Variants in ARL8B observed in about 807,000 individuals in gnomAD.
ARL8B encodes the protein ARF like GTPase 8B, also known as ADP-ribosylation factor-like protein 8B.
A neutral mutation model predicts 30.6 loss-of-function variants in ARL8B; 9 were observed. The ratio of observed to expected loss-of-function variants is 0.29; its 90% CI spans 0.18 to 0.51. ARL8B has a LOEUF of 0.51. ARL8B is among the 20% of genes least tolerant of loss of function. ARL8B has a pLI of 0.97. For synonymous variants in ARL8B, 74 were observed against 76.0 expected, an observed-to-expected ratio of 0.97 and a Z score of 0.14; for missense variants, 130 against 227.2, an observed-to-expected ratio of 0.57 and a Z score of 2.75.
chr3:5,164,324 T>C (rs538462292), intron 1 of ARL8B, among the ~76,000 whole-genome samples: 76 of 152,240 alleles, frequency 5.0e-4, no homozygotes, highest in Non-Finnish European at 9.0e-4. Context: ...AGGTAATAGG[T>C]GGTAGTGGCA....
intron 1 of ARL8B, among the ~76,000 whole-genome samples, chr3:5,142,263 C>G (rs1044713790): frequency 5.9e-5 from 9 of 152,210 alleles, no homozygotes; most frequent in South Asian, 4.1e-4. Flanking sequence ...GATGTGCGTA[C>G]AAGTTGAGAG....
chr3:5,162,837 G>A (rs1559284017), intron 1 of ARL8B, among the ~76,000 whole-genome samples: 1 of 152,134 alleles, frequency 6.6e-6, no homozygotes, highest in African/African-American at 2.4e-5. Flanking sequence ...TGATGCTGAG[G>A]TTTGGGCTTC....
intron 1 of ARL8B, among the ~76,000 whole-genome samples, chr3:5,160,492 C>T (rs1444994483): frequency 2.0e-5 from 3 of 152,100 alleles, no homozygotes; most frequent in Non-Finnish European, 4.4e-5. Flanking sequence ...TTTTCAGGCT[C>T]CTAATTGAAA....
intron 1 of ARL8B, among the ~76,000 whole-genome samples, chr3:5,144,749 A>G (rs957531399): frequency 6.6e-5 from 10 of 152,216 alleles, no homozygotes; most frequent in South Asian, 2.1e-4. Flanking sequence ...TACAGCTTCT[A>G]TAGTGTTACC....
chr3:5,167,494 T>A (rs1434811548), intron 1 of ARL8B, among the ~76,000 whole-genome samples: 5 of 152,052 alleles, frequency 3.3e-5, no homozygotes, highest in Admixed American at 6.6e-5. Context: ...TCCACTGGGG[T>A]TCTTGGAACG....
At chr3:5,159,597 C>T (rs1403202499) in intron 1 of ARL8B, among the ~76,000 whole-genome samples, 9 of 105,394 alleles carry the variant, frequency 8.5e-5, no homozygotes, top group African/African-American at 3.4e-4. Flanking sequence ...AATGAAACTC[C>T]GTCTCAAAAA....
chr3:5,146,957 C>A (rs756244235), intron 1 of ARL8B, among the ~76,000 whole-genome samples: 5 of 152,032 alleles, frequency 3.3e-5, no homozygotes, highest in Non-Finnish European at 7.4e-5. Flanking sequence ...GGGACCTACT[C>A]AGAAGGAACC....
chr3:5,165,946 C>G (rs965146987), intron 1 of ARL8B, among the ~76,000 whole-genome samples: 9 of 152,142 alleles, frequency 5.9e-5, no homozygotes, highest in South Asian at 4.1e-4. Context: ...TCACTGTTTA[C>G]AAGTAGTCAG....
At chr3:5,170,194 C>G (rs1294255042) in intron 1 of ARL8B, among the ~76,000 whole-genome samples, 1 of 152,150 alleles carries the variant, frequency 6.6e-6, no homozygotes, top group Non-Finnish European at 1.5e-5. Context: ...AAATGTACAT[C>G]TAGGTGAACA....
In ARL8B at chr3:5,122,303, T is replaced by C. The variant is rs1345624803; in HGVS notation, c.-163T>C. 16 of 1,508,128 alleles carry C rather than the reference T, an allele frequency of 1.1e-5. No homozygotes were observed. The highest frequency in any genetic ancestry group is 1.4e-5 in the African/African-American group (1 of 72,024). 93.4% of individuals were successfully genotyped at this position (1,508,128 alleles called of 1,614,324 possible). On this transcript the variant is annotated 5_prime_UTR_variant, in exon 1 of 7. Transcript: ENST00000256496. Reference sequence around the variant, plus strand: ...GGGTAGGGCGAGTCATATGATCCGCTCGGCTTCCTGGGTCTGGCTGCTGCC... The same window carrying C: ...GGGTAGGGCGAGTCATATGATCCGCCCGGCTTCCTGGGTCTGGCTGCTGCC...
chr3:5,131,013 A>G (rs1475749282), intron 1 of ARL8B, among the ~76,000 whole-genome samples: 2 of 149,080 alleles, frequency 1.3e-5, no homozygotes, highest in African/African-American at 5.0e-5. Flanking sequence ...CGGGGATTCA[A>G]GTGATTCTCC....
chr3:5,140,875 TGAA>T (rs2054367541), intron 1 of ARL8B, among the ~76,000 whole-genome samples: 1 of 152,180 alleles, frequency 6.6e-6, no homozygotes, highest in Admixed American at 6.6e-5. Flanking sequence ...CTTGGAGACA[TGAA>T]GAACAGCGGA....
chr3:5,158,756 T>C (rs2054553342), intron 1 of ARL8B, among the ~76,000 whole-genome samples: 2 of 152,224 alleles, frequency 1.3e-5, no homozygotes, highest in African/African-American at 4.8e-5. Flanking sequence ...TGTTTATCAG[T>C]TATGTGACTA....
intron 1 of ARL8B, among the ~76,000 whole-genome samples, chr3:5,145,238 A>G (rs1294255580): frequency 1.3e-5 from 2 of 152,156 alleles, no homozygotes; most frequent in Non-Finnish European, 2.9e-5. Context: ...TCTCCTTTGT[A>G]TAGGAAACTG....
intron 2 of ARL8B, among the ~76,000 whole-genome samples, chr3:5,171,594 C>T (rs912321260): frequency 1.3e-5 from 2 of 152,018 alleles, no homozygotes; most frequent in Admixed American, 6.6e-5. Flanking sequence ...GTGATCCACC[C>T]GCCTCGGCCT....
intron 1 of ARL8B, among the ~76,000 whole-genome samples, chr3:5,133,717 C>T (rs1167763269): frequency 6.6e-6 from 1 of 151,956 alleles, no homozygotes; most frequent in African/African-American, 2.4e-5. Context: ...CCTTTGAGCT[C>T]AGGAGTTCAA....
chr3:5,140,104 A>G (rs17042017), intron 1 of ARL8B, among the ~76,000 whole-genome samples: 38,580 of 149,348 alleles, frequency 0.26, 5,808 homozygotes, highest in African/African-American at 0.42. Flanking sequence ...TTTGTTCCTC[A>G]CTTTGGGGAG....
intron 1 of ARL8B, among the ~76,000 whole-genome samples, chr3:5,126,644 A>G (rs1226019716): frequency 6.6e-6 from 1 of 152,182 alleles, no homozygotes; most frequent in Non-Finnish European, 1.5e-5. Flanking sequence ...TTTCCTTAGG[A>G]TTTTAAAACT....
chr3:5,178,443 C>T (rs1381339575), intron 6 of ARL8B, among the ~76,000 whole-genome samples: 1 of 150,904 alleles, frequency 6.6e-6, no homozygotes, highest in African/African-American at 2.4e-5. Context: ...CACCAGCCGT[C>T]CTATACACAA....
Sources: allele counts gnomAD v4.1 joint callset (sites outside exome capture counted in the v4.1 genomes callset), GRCh38; gene constraint gnomAD v4.1.1; transcripts MANE v1.5; gene names NCBI Gene and HGNC (gene_info 2026-07-23, HGNC 2026-07-21).